CWH43: variants seen among roughly 807,000 people sequenced by gnomAD.
CWH43 encodes the protein cell wall biogenesis 43 C-terminal homolog.
CWH43 carries 91 observed loss-of-function variants against 85.7 expected under a neutral mutation model. The ratio of observed to expected loss-of-function variants is 1.06; its 90% CI spans 0.90 to 1.26. CWH43 has a LOEUF of 1.26. CWH43 is among the 50% of genes most tolerant of loss of function. CWH43 has a pLI of 0.00. For missense variants in CWH43, 869 were observed against 839.2 expected (o/e 1.04, Z -0.44); for synonymous variants, 323 against 293.6 (o/e 1.10, Z -1.02).
At chr4:48,988,327 C>A in intron 1 of CWH43, 150 bp from the exon 2 acceptor site, 1 of 448,288 alleles carries the variant, frequency 2.2e-6, no homozygotes, top group Non-Finnish European at 3.8e-6. Context: ...TTGTTTTGTT[C>A]CATGTCAGTG....
Position 48,991,941 on chromosome 4 carries a change from T to C in CWH43, c.362T>C (p.Leu121Pro). The C allele has an allele frequency of 6.2e-7, 1 of 1,611,896 alleles. No individual in the cohort carries two copies. Among genetic ancestry groups the C allele is most frequent in the Non-Finnish European group, 8.5e-7 (1 of 1,178,320 alleles). The change falls in exon 4 of 16, where the codon CTC becomes CCC. Residue 121 changes from leucine (L) to proline (P), a missense_variant. By Grantham distance (98) the Leu-to-Pro change is moderately conservative. Around this residue, in one of 3 missense-constraint regions of CWH43, gnomAD observed 152 missense variants for 203.6 expected, o/e 0.75. Transcript: ENST00000226432. ...WWSGSHLQRY[L>P]RIWGFILGQI... ...AAATACTTTTGCACTTACAGGTACC[T>C]CAGAATTTGGGGATTCATTTTAGGA...
chr4:49,053,093 C>T (rs1331397543), intron 15 of CWH43, among the ~76,000 whole-genome samples: 3 of 152,078 alleles, frequency 2.0e-5, no homozygotes, highest in Admixed American at 6.6e-5. Context: ...TAGGTTCATC[C>T]ATGTTGTTGC....
intron 8 of CWH43, 37 bp from the exon 9 acceptor site, chr4:49,017,211 AT>A (rs749337188): frequency 1.3e-5 from 20 of 1,530,722 alleles, no homozygotes; most frequent in East Asian, 2.3e-5. Flanking sequence ...TATTTTATTT[AT>A]TTTAAAAAAA....
chr4:49,002,371 A>G, intron 6 of CWH43, among the ~76,000 whole-genome samples: 1 of 152,182 alleles, frequency 6.6e-6, no homozygotes, highest in South Asian at 2.1e-4. Context: ...GTACATTAAA[A>G]TGTTTTAGAA....
At chr4:49,001,197 T>C (rs1350435408) in intron 6 of CWH43, among the ~76,000 whole-genome samples, 2 of 152,184 alleles carry the variant, frequency 1.3e-5, no homozygotes, top group Non-Finnish European at 2.9e-5. Flanking sequence ...AAGCCAGAGT[T>C]CTATTTTTAA....
chr4:49,042,938 C>T (rs1332152815), intron 13 of CWH43, among the ~76,000 whole-genome samples: 2 of 152,124 alleles, frequency 1.3e-5, no homozygotes, highest in African/African-American at 4.8e-5. Context: ...CTGTTCTTGC[C>T]TGGGTTCTCC....
At chr4:49,008,734 C>G (rs570764026) in intron 8 of CWH43, among the ~76,000 whole-genome samples, 41 of 152,260 alleles carry the variant, frequency 2.7e-4, no homozygotes, top group Middle Eastern at 3.4e-3. Flanking sequence ...AATAGGGAAC[C>G]CTTTCCTCCT....
intron 14 of CWH43, among the ~76,000 whole-genome samples, chr4:49,046,474 CA>C (rs1490365812): frequency 3.3e-5 from 5 of 151,856 alleles, no homozygotes; most frequent in Non-Finnish European, 5.9e-5. Context: ...ATAAAATAAG[CA>C]GATAAGAAAT....
Position 49,027,513 on chromosome 4 carries a change from A to AAG in CWH43, c.1267-1116_1267-1115insAG, listed in dbSNP as rs1230617078. 1.2e-4 allele frequency among the ~76,000 whole-genome samples: 19 copies of AAG among 152,300 alleles called. No homozygotes were observed. The East Asian group carries it at 3.5e-3, about 28-fold the overall frequency. On this transcript the variant is annotated intron_variant, in intron 9 of 15. Coordinates refer to ENST00000226432, the MANE Select transcript of CWH43 (RefSeq NM_025087.3). ...CTCCTTTCTTTACCAGGCAGTCATT[A>AAG]GATTTTTTTCTGTTTTTACCGTTTT...
chr4:49,023,129 G>A (rs1269323600), intron 9 of CWH43, among the ~76,000 whole-genome samples: 2 of 151,994 alleles, frequency 1.3e-5, no homozygotes, highest in African/African-American at 4.8e-5. Flanking sequence ...GTGACCTTAG[G>A]TTCTCTATTT....
At chr4:49,040,114 A>G (rs1428583090) in intron 13 of CWH43, among the ~76,000 whole-genome samples, 1 of 152,120 alleles carries the variant, frequency 6.6e-6, no homozygotes, top group Non-Finnish European at 1.5e-5. Flanking sequence ...CATGGTGTAT[A>G]TGTGCCACAT....
In CWH43 at chr4:49,003,750, C is replaced by T. The variant is rs747730162; in HGVS notation, c.818C>T (p.Ala273Val). 46 of 1,613,696 alleles carry T rather than the reference C, an allele frequency of 2.9e-5. No individual in the cohort carries two copies. The African/African-American group carries it at 4.9e-4, about 17-fold the overall frequency. ...TCACAAACAGGAACAGCTTCAGCTG[C>T]GGGGCTCCTTTACCTGCACACATGG... The part of the protein sequence containing the change: ...IWWVTGTASA[A>V]GLLYLHTWAA... Residue 273 changes from alanine (A) to valine (V), a missense_variant, in exon 7 of 16, where the codon GCG becomes GTG. Physicochemically the swap from Ala to Val is moderately conservative, Grantham distance 64. Around this residue, in one of 3 missense-constraint regions of CWH43, gnomAD observed 152 missense variants for 203.6 expected, o/e 0.75. Coordinates refer to ENST00000226432, the MANE Select transcript of CWH43 (RefSeq NM_025087.3).
At chr4:48,993,775 A>T (rs1212534113) in intron 4 of CWH43, among the ~76,000 whole-genome samples, 1 of 152,038 alleles carries the variant, frequency 6.6e-6, no homozygotes, top group Non-Finnish European at 1.5e-5. Flanking sequence ...TGTTTTTGAG[A>T]TGGAGTTTCA....
intron 6 of CWH43, among the ~76,000 whole-genome samples, chr4:49,002,703 C>T (rs1045217662): frequency 6.6e-6 from 1 of 152,086 alleles, no homozygotes; most frequent in African/African-American, 2.4e-5. Context: ...TGTAGAGGAC[C>T]TTGGAATCTA....
rs1223093141 is a variant in CWH43, at chr4:48,999,102, C to T, written c.802+554C>T. On this transcript the variant is annotated intron_variant, in intron 6 of 15. Coordinates refer to ENST00000226432, the MANE Select transcript of CWH43 (RefSeq NM_025087.3). ...CCTCCTACCTGCCTCTGGTGGACCC[C>T]AGTGTCTGTTGTTCCCCTCTTTGTG... Among the ~76,000 whole-genome samples the T allele has an allele frequency of 2.6e-5, 4 of 152,146 alleles. No homozygotes were observed. The South Asian group carries it at 6.2e-4, about 24-fold the overall frequency.
intron 9 of CWH43, among the ~76,000 whole-genome samples, chr4:49,018,348 G>C (rs542326506): frequency 9.1e-4 from 138 of 152,222 alleles, no homozygotes; most frequent in African/African-American, 3.2e-3. Flanking sequence ...TTCAACATGA[G>C]ATTTGGTAGG....
intron 15 of CWH43, among the ~76,000 whole-genome samples, chr4:49,056,039 A>G (rs1784946288): frequency 1.4e-5 from 2 of 144,696 alleles, no homozygotes; most frequent in Admixed American, 1.4e-4. Context: ...AGCATTAGGT[A>G]TATCTCCCAA....
At chr4:48,986,651 G>T (rs1462963618) in intron 1 of CWH43, 179 bp downstream of exon 1, 13 of 1,393,262 alleles carry the variant, frequency 9.3e-6, no homozygotes, top group African/African-American at 3.0e-5. Flanking sequence ...TAAAGGAAAA[G>T]ACCTAGATTG....
chr4:49,030,863 A>C lies in CWH43; in HGVS notation c.1411A>C (p.Lys471Gln). The change falls in exon 11 of 16, where the codon AAG (lysine) becomes CAG (glutamine). Residue 471 changes from lysine to glutamine, a missense_variant. Around this residue, in one of 3 missense-constraint regions of CWH43, gnomAD observed 577 missense variants for 513.1 expected, o/e 1.12. Coordinates refer to ENST00000226432, the MANE Select transcript of CWH43 (RefSeq NM_025087.3). ...AACAATTTTGGAGAGTGATGCTTCT[A>C]AGCCCTATATGGGGAACAATGACTT... is the stretch of plus-strand genomic sequence containing the variant. ...FITILESDAS[K>Q]PYMGNNDLTM... 6.2e-7 allele frequency: 1 copy of C among 1,603,574 alleles called. No homozygotes were observed. Among genetic ancestry groups the C allele is most frequent in the East Asian group, 2.3e-5 (1 of 44,300 alleles).
Sources: allele counts gnomAD v4.1 joint callset (sites outside exome capture counted in the v4.1 genomes callset), GRCh38; gene constraint gnomAD v4.1.1; regional missense constraint gnomAD v4.1.1; transcripts MANE v1.5; gene names NCBI Gene and HGNC (gene_info 2026-07-23, HGNC 2026-07-21).